Variants in CA14 observed in about 807,000 individuals in gnomAD.
CA14 encodes the protein CA-XIV.
Under a neutral mutation model 48.8 loss-of-function variants are expected in CA14, and 44 were observed. The ratio of observed to expected loss-of-function variants is 0.90; its 90% confidence interval spans 0.71 to 1.16. The LOEUF (loss-of-function observed/expected upper bound fraction) is 1.16. Among genes scored for constraint, CA14 ranks in the 50% most tolerant of loss-of-function variants. CA14 has a pLI of 0.00. For synonymous variants in CA14, 154 were observed against 155.0 expected, an observed-to-expected ratio of 0.99 and a Z score of 0.05; for missense variants, 386 against 401.0, an observed-to-expected ratio of 0.96 and a Z score of 0.32.
rs587694221 is a variant in CA14 at position 150,258,331 on chromosome 1, G to A, written c.55+148G>A. On this transcript the variant is annotated intron_variant, in intron 1 of 10. Coordinates refer to ENST00000369111, the MANE Select transcript of CA14 (RefSeq NM_012113.3). Reference sequence around the variant, plus strand: ...TGAGGAAAAAAGAGTGGGGTGTGGAGGAGACCACTTCCCTTCTTTACCTTT... The same window carrying A: ...TGAGGAAAAAAGAGTGGGGTGTGGAAGAGACCACTTCCCTTCTTTACCTTT... 173 of 547,890 alleles carry A rather than the reference G, an allele frequency of 3.2e-4. 1 individual carries two copies. Among genetic ancestry groups the A allele is most frequent in the Admixed American group, 3.8e-4 (12 of 31,454 alleles). The allele number at this position is 547,890 out of a possible 1,614,324, so 33.9% of individuals were successfully genotyped here.
Position 150,258,011 on chromosome 1 carries a change from C to G in CA14, c.-118C>G. 6.3e-6 allele frequency: 4 copies of G among 638,328 alleles called. No homozygotes were observed. The highest frequency in any genetic ancestry group is 1.0e-5 in the Non-Finnish European group (4 of 384,988). The allele number at this position is 638,328 out of a possible 1,614,324, so 39.5% of individuals were successfully genotyped here. A position where few individuals can be genotyped will look rare whatever the true frequency, so the allele number is the denominator to read the frequency against. On this transcript the variant is annotated 5_prime_UTR_variant, in exon 1 of 11. Transcript: ENST00000369111. ...AGAGAAGCAGAGATAAATACACTCACGCCAGGAGCTCGCTCGCTCTCTCTC... is the reference window on the plus strand; with the variant it reads ...AGAGAAGCAGAGATAAATACACTCAGGCCAGGAGCTCGCTCGCTCTCTCTC...
chr1:150,263,663 A>G lies in CA14; in HGVS notation c.846A>G (p.Gly282=). The G allele has an allele frequency of 6.2e-7, 1 of 1,613,986 alleles. No homozygotes were observed. The highest frequency in any genetic ancestry group is 8.5e-7 in the Non-Finnish European group (1 of 1,179,912). Residue 282 remains glycine (G), a synonymous_variant, in exon 9 of 11, where the codon GGA becomes GGG. Coordinates refer to ENST00000369111, the MANE Select transcript of CA14 (RefSeq NM_012113.3). ...ACCCATTTTCTTCTCTTACAGCAGG[A>G]TCCTCGTATACCACAGGTAAGCCAG... The part of the protein sequence containing the change: ...RMVFASFIQA[G]SSYTTGEMLS...
At position 150,258,052 on chromosome 1, in the gene CA14, T is replaced by C; in HGVS notation, c.-77T>C. The C allele has an allele frequency of 9.9e-7, 1 of 1,012,682 alleles. No individual in the cohort carries two copies. Among genetic ancestry groups the C allele is most frequent in the Non-Finnish European group, 1.5e-6 (1 of 682,040 alleles). 62.7% of individuals were successfully genotyped at this position (1,012,682 alleles called of 1,614,324 possible). On this transcript the variant is annotated 5_prime_UTR_variant, in exon 1 of 11. Transcript: ENST00000369111. ...GCTCTCTCTCTCTCTCTCTCACTCC[T>C]CCCTCCCTCTCTCTCTGCCTGTCCT...
Position 150,263,132 on chromosome 1 carries a change from C to G in CA14, c.653C>G (p.Thr218Ser). ...QYFRYNGSLT[T>S]PPCYQSVLWT... ...TTCCGCTACAATGGCTCGCTCACAA[C>G]TCCCCCTTGCTACCAGAGTGTGCTC... Residue 218 changes from threonine to serine, a missense_variant, in exon 7 of 11, where the codon ACT (threonine) becomes AGT (serine). Coordinates refer to ENST00000369111, the MANE Select transcript of CA14 (RefSeq NM_012113.3). The G allele has an allele frequency of 6.2e-7, 1 of 1,614,166 alleles. No homozygotes were observed. Among genetic ancestry groups the G allele is most frequent in the Non-Finnish European group, 8.5e-7 (1 of 1,180,026 alleles).
intron 6 of CA14, 25 bp from the exon 7 acceptor site, chr1:150,263,017 A>T (rs1651205812): frequency 6.2e-7 from 1 of 1,613,084 alleles, no homozygotes; most frequent in African/African-American, 1.3e-5. Flanking sequence ...TGAAAGGAAG[A>T]TGAGTCCCAG....
rs1160601291 is a variant in CA14, at chr1:150,263,207, GT to G, written c.720+9del. On this transcript the variant is annotated intron_variant, in intron 7 of 10. Transcript: ENST00000369111. ...CAGATTTCAATGGAACAGGTAAGTG[GT>G]GGAGAAACGAGGTGAGGTGAGACAC... 5 of 1,613,974 alleles carry G rather than the reference GT, an allele frequency of 3.1e-6. No individual in the cohort carries two copies. In the African/African-American group the frequency reaches 6.7e-5, roughly 22 times the overall value.
At chr1:150,264,072 C>T (rs60456922) in intron 10 of CA14, among the ~76,000 whole-genome samples, 194 bp downstream of exon 10, 7,033 of 151,434 alleles carry the variant, frequency 0.046, 457 homozygotes, top group African/African-American at 0.13. Context: ...ACTACAGGCA[C>T]GCACCATCAC....
intron 5 of CA14, 76 bp from the exon 6 acceptor site, chr1:150,262,728 C>G: frequency 7.3e-7 from 1 of 1,378,852 alleles, no homozygotes; most frequent in Non-Finnish European, 1.0e-6. Flanking sequence ...CCCACCCTGA[C>G]CATTTATTCT....
chr1:150,261,537 C>G lies in CA14; in HGVS notation c.155C>G (p.Thr52Arg), dbSNP rs1651031724. 5.0e-6 allele frequency: 8 copies of G among 1,614,188 alleles called. No homozygotes were observed. The highest frequency in any genetic ancestry group is 6.8e-6 in the Non-Finnish European group (8 of 1,180,032). The change falls in exon 3 of 11, where the codon ACA becomes AGA. Residue 52 changes from threonine (T) to arginine (R), a missense_variant. Thr to Arg is a moderately conservative substitution (Grantham distance 71). Coordinates refer to ENST00000369111, the MANE Select transcript of CA14 (RefSeq NM_012113.3). The part of the protein sequence containing the change: ...NNAQSPIDIQ[T>R]DSVTFDPDLP... ...GCCCAGTCGCCCATCGATATTCAGA[C>G]AGACAGTGTGACATTTGACCCTGAT...
At chr1:150,258,812 G>T (rs979181945) in intron 1 of CA14, among the ~76,000 whole-genome samples, 16 of 152,190 alleles carry the variant, frequency 1.1e-4, no homozygotes, top group African/African-American at 3.4e-4. Context: ...CTCCAGGAGT[G>T]TCCCCAGGAA....
At chr1:150,258,760 C>G (rs1248374850) in intron 1 of CA14, among the ~76,000 whole-genome samples, 1 of 152,158 alleles carries the variant, frequency 6.6e-6, no homozygotes, top group Admixed American at 6.5e-5. Flanking sequence ...TCAGGAGCTC[C>G]CAGGAGATGA....
chr1:150,258,574 A>C (rs1650739207), intron 1 of CA14, among the ~76,000 whole-genome samples: 1 of 152,180 alleles, frequency 6.6e-6, no homozygotes, highest in Non-Finnish European at 1.5e-5. Context: ...AAAGATGGAT[A>C]GATGGGGGTA....
At chr1:150,263,484 C>A (rs1651280293) in intron 8 of CA14, 65 bp downstream of exon 8, 2 of 1,606,982 alleles carry the variant, frequency 1.2e-6, no homozygotes, top group Admixed American at 3.4e-5. Flanking sequence ...AACTAGGGAG[C>A]CAATGGGAAG....
Position 150,263,395 on chromosome 1 carries a change from A to G in CA14, c.817A>G (p.Met273Val). Reference sequence around the variant, plus strand: ...AGCCCTTCAGCCTCTCAATCAGCGCATGGTCTTTGCTTCTTTCATCCAAGG... The same window carrying G: ...AGCCCTTCAGCCTCTCAATCAGCGCGTGGTCTTTGCTTCTTTCATCCAAGG... Reference protein sequence around the residue: ...YRALQPLNQRMVFASFIQAGS... With the variant: ...YRALQPLNQRVVFASFIQAGS... The change falls in exon 8 of 11, where the codon ATG becomes GTG. Residue 273 changes from methionine to valine, a missense_variant. Transcript: ENST00000369111. The G allele has an allele frequency of 1.9e-6, 3 of 1,614,170 alleles. No individual in the cohort carries two copies. Among genetic ancestry groups the G allele is most frequent in the East Asian group, 4.5e-5 (2 of 44,890 alleles).
Position 150,262,577 on chromosome 1 carries a change from C to T in CA14, c.452C>T (p.Ala151Val). 1 of 1,614,072 alleles carries T rather than the reference C, an allele frequency of 6.2e-7. No homozygotes were observed. Among genetic ancestry groups the T allele is most frequent in the Admixed American group, 1.7e-5 (1 of 60,026 alleles). The change falls in exon 5 of 11, where the codon GCT (alanine) becomes GTT (valine). Residue 151 changes from alanine to valine, a missense_variant. By Grantham distance (64) the Ala-to-Val change is moderately conservative. Coordinates refer to ENST00000369111, the MANE Select transcript of CA14 (RefSeq NM_012113.3). ...TCCTATGACAGCTTGAGTGAGGCTG[C>T]TGAGAGGCCTCAGGGCCTGGCTGTC... is the stretch of plus-strand genomic sequence containing the variant. Reference protein sequence around the residue: ...SDSYDSLSEAAERPQGLAVLG... With the variant: ...SDSYDSLSEAVERPQGLAVLG...
intron 3 of CA14, 53 bp from the exon 4 acceptor site, chr1:150,262,105 T>C (rs2101833462): frequency 1.2e-6 from 2 of 1,608,524 alleles, no homozygotes; most frequent in Non-Finnish European, 8.5e-7. Flanking sequence ...AACCCAGGAG[T>C]GGGAATGTAT....
Position 150,261,604 on chromosome 1 carries a change from C to T in CA14, c.222C>T (p.Thr74=), listed in dbSNP as rs373006346. The T allele has an allele frequency of 6.8e-6, 11 of 1,614,014 alleles. No individual in the cohort carries two copies. The highest frequency in any genetic ancestry group is 6.6e-5 in the South Asian group (6 of 91,084). ...LQPHGYDQPG[T]EPLDLHNNGH... The stretch of plus-strand genomic sequence containing the variant: ...CCCACGGATATGACCAGCCTGGCAC[C>T]GAGCCTTTGGACCTGCACAACAATG... Residue 74 remains threonine, a synonymous_variant, in exon 3 of 11, where the codon ACC becomes ACT. Coordinates refer to ENST00000369111, the MANE Select transcript of CA14 (RefSeq NM_012113.3).
chr1:150,263,809 T>G lies in CA14; in HGVS notation c.878T>G (p.Leu293Arg), dbSNP rs1553848642. ...SSYTTGEMLS[L>R]GVGILVGCLC... ...TCTCCCCCAGGTGAAATGCTGAGTC[T>G]AGGTGTAGGAATCTTGGTTGGCTGT... The change falls in exon 10 of 11, where the codon CTA becomes CGA. Residue 293 changes from leucine (L) to arginine (R), a missense_variant. Transcript: ENST00000369111. 8 of 1,614,048 alleles carry G rather than the reference T, an allele frequency of 5.0e-6. No individual in the cohort carries two copies. The East Asian group carries it at 1.1e-4, about 22-fold the overall frequency.
rs368797497 is a variant in CA14 at position 150,263,121 on chromosome 1, C to T, written c.642C>T (p.Gly214=). Reference sequence around the variant, plus strand: ...TGGGGCAGTACTTCCGCTACAATGGCTCGCTCACAACTCCCCCTTGCTACC... The same window carrying T: ...TGGGGCAGTACTTCCGCTACAATGGTTCGCTCACAACTCCCCCTTGCTACC... ...KQLGQYFRYN[G]SLTTPPCYQS... Residue 214 remains glycine (G), a synonymous_variant, in exon 7 of 11, where the codon GGC becomes GGT. Transcript: ENST00000369111. 5.6e-6 allele frequency: 9 copies of T among 1,613,980 alleles called. No homozygotes were observed. The African/African-American group carries it at 1.2e-4, about 22-fold the overall frequency.
Sources: gnomAD v4.1 joint callset for allele counts (sites outside exome capture counted in the v4.1 genomes callset) on GRCh38, gnomAD v4.1.1 for gene constraint, MANE v1.5 for transcripts, NCBI Gene and HGNC (gene_info 2026-07-23, HGNC 2026-07-21) for gene names.